THSD7B: variants seen among roughly 807,000 people sequenced by gnomAD.
THSD7B encodes the protein thrombospondin type-1 domain-containing protein 7B.
A neutral mutation model predicts 213.6 loss-of-function variants in THSD7B; 138 were observed. The ratio of observed to expected loss-of-function variants is 0.65; its 90% confidence interval spans 0.56 to 0.74. The LOEUF (loss-of-function observed/expected upper bound fraction) is 0.74, where lower values mean the gene tolerates loss of function less well. Ranked by LOEUF, THSD7B falls within the 30% of genes least tolerant of loss-of-function variation. The pLI is 0.00. For synonymous variants in THSD7B, 742 were observed against 687.0 expected (o/e 1.08, Z -1.25); for missense variants, 1,931 against 1,991.5 (o/e 0.97, Z 0.58).
At chr2:137,464,186 A>G (rs1013665278) in intron 15 of THSD7B, among the ~76,000 whole-genome samples, 2 of 152,028 alleles carry the variant, frequency 1.3e-5, no homozygotes, top group East Asian at 3.9e-4. Context: ...ACATTACAAT[A>G]TGATTTCCTC....
At chr2:137,545,594 A>G (rs1680692220) in intron 15 of THSD7B, among the ~76,000 whole-genome samples, 1 of 151,940 alleles carries the variant, frequency 6.6e-6, no homozygotes, top group Non-Finnish European at 1.5e-5. Flanking sequence ...CCCATCTCCT[A>G]AATTGCTCTA....
rs375009416 is a variant in THSD7B, at chr2:137,656,879, C to T, written c.4189C>T (p.Arg1397Cys). 6.8e-6 allele frequency: 11 copies of T among 1,613,800 alleles called. No homozygotes were observed. Among genetic ancestry groups the T allele is most frequent in the Admixed American group, 1.7e-5 (1 of 59,986 alleles). The change falls in exon 23 of 28, where the codon CGC becomes TGC. Residue 1397 changes from arginine to cysteine, a missense_variant. By Grantham distance (180) the Arg-to-Cys change is radical (BLOSUM62 -3). Coordinates refer to ENST00000409968, the MANE Select transcript of THSD7B (RefSeq NM_001316349.2). ...TGGAAGAAGCTTTGAGACTGTGGGCCGCCAGTCTAGATCAAGGACTTTTAT... is the reference window on the plus strand; with the variant it reads ...TGGAAGAAGCTTTGAGACTGTGGGCTGCCAGTCTAGATCAAGGACTTTTAT... Reference protein sequence around the residue: ...IDGRSFETVGRQSRSRTFIIQ... With the variant: ...IDGRSFETVGCQSRSRTFIIQ...
intron 21 of THSD7B, among the ~76,000 whole-genome samples, chr2:137,653,771 A>T (rs998116582): frequency 6.6e-6 from 1 of 150,404 alleles, no homozygotes; most frequent in Non-Finnish European, 1.5e-5. Flanking sequence ...ATTTTTTAAA[A>T]TTATTATTTC....
At chr2:137,489,789 G>A (rs1688563304) in intron 15 of THSD7B, among the ~76,000 whole-genome samples, 3 of 151,980 alleles carry the variant, frequency 2.0e-5, no homozygotes, top group Admixed American at 2.0e-4. Context: ...TATTTTGTTA[G>A]CCTGAAATCA....
chr2:137,473,506 A>G (rs554270079), intron 15 of THSD7B, among the ~76,000 whole-genome samples: 79 of 152,332 alleles, frequency 5.2e-4, no homozygotes, highest in African/African-American at 1.8e-3. Flanking sequence ...ATGTTCCATT[A>G]TCAGCTAGTA....
At chr2:137,505,359 C>T (rs1290863653) in intron 15 of THSD7B, among the ~76,000 whole-genome samples, 1 of 152,202 alleles carries the variant, frequency 6.6e-6, no homozygotes, top group African/African-American at 2.4e-5. Context: ...GCTCCAAGTT[C>T]CAGGAGCTGC....
intron 17 of THSD7B, among the ~76,000 whole-genome samples, chr2:137,581,346 G>C (rs1240917710): frequency 1.3e-5 from 2 of 152,152 alleles, no homozygotes; most frequent in Non-Finnish European, 2.9e-5. Flanking sequence ...CCAGCACTTT[G>C]GGAGGCCAAG....
chr2:136,821,000 A>T (rs1281673622), intron 1 of THSD7B, among the ~76,000 whole-genome samples: 1 of 152,222 alleles, frequency 6.6e-6, no homozygotes, highest in Non-Finnish European at 1.5e-5. Flanking sequence ...AAACTTACAG[A>T]TAATTGCAAG....
At chr2:137,017,250 A>C (rs1327000939) in intron 2 of THSD7B, among the ~76,000 whole-genome samples, 1 of 151,786 alleles carries the variant, frequency 6.6e-6, no homozygotes, top group Non-Finnish European at 1.5e-5. Context: ...TAGGTAGCTG[A>C]GGCGAAACTG....
intron 2 of THSD7B, among the ~76,000 whole-genome samples, chr2:136,896,907 T>C (rs1360322132): frequency 1.3e-5 from 2 of 151,896 alleles, no homozygotes; most frequent in Admixed American, 1.3e-4. Flanking sequence ...CTATAGTCTA[T>C]ACATAATCCT....
intron 12 of THSD7B, among the ~76,000 whole-genome samples, chr2:137,289,673 C>T (rs1683276448): frequency 1.3e-5 from 2 of 151,454 alleles, no homozygotes; most frequent in Non-Finnish European, 2.9e-5. Context: ...GGGCTAACAG[C>T]AAACAGATAT....
At chr2:137,549,162 C>A (rs947753852) in intron 15 of THSD7B, among the ~76,000 whole-genome samples, 7 of 152,000 alleles carry the variant, frequency 4.6e-5, no homozygotes, top group Admixed American at 2.0e-4. Flanking sequence ...GCACTGCATA[C>A]CTTTCTGATT....
intron 2 of THSD7B, among the ~76,000 whole-genome samples, chr2:136,897,554 G>A (rs1002208797): frequency 2.6e-5 from 4 of 152,090 alleles, no homozygotes; most frequent in African/African-American, 9.7e-5. Flanking sequence ...AGAGTGAGCA[G>A]TAGCAAGATT....
In THSD7B at chr2:136,927,446, C is replaced by T. The variant is rs376624161; in HGVS notation, c.139+45129C>T. On this transcript the variant is annotated intron_variant, in intron 2 of 27. Transcript: ENST00000409968. ...CTAACAAGAGGTTTTTCCTCTGCTG[C>T]CACTCCAGTAGAACCTACATCTTTT... is the stretch of plus-strand genomic sequence containing the variant. Among the ~76,000 whole-genome samples the T allele has an allele frequency of 5.9e-5, 9 of 152,256 alleles. No individual in the cohort carries two copies. The East Asian group carries it at 1.5e-3, about 26-fold the overall frequency.
intron 7 of THSD7B, among the ~76,000 whole-genome samples, chr2:137,212,125 A>G (rs939419269): frequency 1.3e-5 from 2 of 152,100 alleles, no homozygotes; most frequent in Non-Finnish European, 2.9e-5. Flanking sequence ...ATTGTATTAA[A>G]TATTTTTAAA....
chr2:137,295,813 G>A (rs974730109), intron 12 of THSD7B, among the ~76,000 whole-genome samples: 1 of 152,036 alleles, frequency 6.6e-6, no homozygotes. Context: ...CTGCTTATTT[G>A]TTTTTAAATG....
At chr2:137,528,465 G>A (rs1204164430) in intron 15 of THSD7B, among the ~76,000 whole-genome samples, 2 of 152,006 alleles carry the variant, frequency 1.3e-5, no homozygotes, top group East Asian at 3.9e-4. Context: ...AATAACTGCT[G>A]GAATATTGTA....
intron 3 of THSD7B, among the ~76,000 whole-genome samples, chr2:137,068,023 T>C (rs1042838071): frequency 1.3e-5 from 2 of 152,082 alleles, no homozygotes; most frequent in Non-Finnish European, 2.9e-5. Context: ...TTTTCTACTC[T>C]GGTCCTGGTT....
intron 15 of THSD7B, among the ~76,000 whole-genome samples, chr2:137,549,082 T>C (rs79748492): frequency 0.024 from 3,606 of 152,094 alleles, 164 homozygotes; most frequent in African/African-American, 0.083. Flanking sequence ...CCTTTATTTC[T>C]TAGGTCACAA....
Sources: gnomAD v4.1 joint callset for allele counts (sites outside exome capture counted in the v4.1 genomes callset) on GRCh38, gnomAD v4.1.1 for gene constraint, MANE v1.5 for transcripts, NCBI Gene and HGNC (gene_info 2026-07-23, HGNC 2026-07-21) for gene names.